PRKAR1A: variants seen among roughly 807,000 people sequenced by gnomAD.
The protein encoded by PRKAR1A is protein kinase cAMP-dependent type I regulatory subunit alpha.
PRKAR1A carries 3 observed loss-of-function variants against 52.0 expected under a neutral mutation model. That is an observed-to-expected ratio of 0.06 (90% CI 0.03 to 0.15). The LOEUF is 0.15. PRKAR1A is among the 10% of genes least tolerant of loss of function. PRKAR1A has a pLI of 1.00. For missense variants in PRKAR1A, 240 were observed against 477.4 expected, an observed-to-expected ratio of 0.50 and a Z score of 4.63; for synonymous variants, 188 against 168.4, an observed-to-expected ratio of 1.12 and a Z score of -0.90.
chr17:68,445,825 C>G, the PRKAR1A span, among the ~76,000 whole-genome samples: 1 of 152,260 alleles, frequency 6.6e-6, no homozygotes, highest in Non-Finnish European at 1.5e-5. Flanking sequence ...ACCACCCCTG[C>G]ACATGCCTGA....
At chr17:68,480,497 G>C in the PRKAR1A span, among the ~76,000 whole-genome samples, 1 of 152,106 alleles carries the variant, frequency 6.6e-6, no homozygotes, top group Non-Finnish European at 1.5e-5. Flanking sequence ...TGCAGGCTAG[G>C]GGGTTTAGTT....
the PRKAR1A span, chr17:68,434,555 C>G: frequency 1.2e-6 from 2 of 1,613,928 alleles, no homozygotes; most frequent in Non-Finnish European, 1.7e-6. Context: ...TGAACACAGA[C>G]CTTTTCATCC....
the PRKAR1A span, among the ~76,000 whole-genome samples, chr17:68,460,536 T>TC: frequency 6.6e-6 from 1 of 152,152 alleles, no homozygotes; most frequent in Non-Finnish European, 1.5e-5. Flanking sequence ...CTGTGAATGG[T>TC]CCCCCTTATA....
chr17:68,495,898 GCCAC>G, the PRKAR1A span, among the ~76,000 whole-genome samples: 7 of 145,878 alleles, frequency 4.8e-5, no homozygotes, highest in Non-Finnish European at 1.0e-4. Context: ...CTAGAGGCAG[GCCAC>G]ATTTCTTGGC....
chr17:68,441,888 C>G, the PRKAR1A span, among the ~76,000 whole-genome samples: 2 of 152,212 alleles, frequency 1.3e-5, no homozygotes, highest in Non-Finnish European at 2.9e-5. Flanking sequence ...TAAAAAGACA[C>G]AGTTTGCTCC....
the PRKAR1A span, among the ~76,000 whole-genome samples, chr17:68,429,362 T>G: frequency 2.0e-5 from 3 of 152,224 alleles, no homozygotes; most frequent in African/African-American, 7.2e-5. Context: ...TAAACTCCTT[T>G]AAACTTCTTA....
the PRKAR1A span, among the ~76,000 whole-genome samples, chr17:68,470,781 A>G: frequency 6.6e-6 from 1 of 152,222 alleles, no homozygotes; most frequent in African/African-American, 2.4e-5. Context: ...CTATTATTAT[A>G]TCAACATTTC....
chr17:68,432,347 A>G, the PRKAR1A span, among the ~76,000 whole-genome samples: 1 of 152,204 alleles, frequency 6.6e-6, no homozygotes, highest in Non-Finnish European at 1.5e-5. Flanking sequence ...GCTTTCTCCA[A>G]CTGGTGGCAG....
intron 11 of PRKAR1A, chr17:68,541,328 C>A: frequency 3.5e-6 from 1 of 285,512 alleles, no homozygotes; most frequent in South Asian, 3.9e-5. Flanking sequence ...CCTCCATGGG[C>A]TGTTCCTGCC....
At chr17:68,415,710 G>C in the PRKAR1A span, among the ~76,000 whole-genome samples, 1 of 152,084 alleles carries the variant, frequency 6.6e-6, no homozygotes, top group African/African-American at 2.4e-5. Flanking sequence ...CCAGTGTTAG[G>C]AGCATATATG....
chr17:68,543,689 A>T lies in PRKAR1A; in HGVS notation c.974-7395A>T, dbSNP rs753208818. On this transcript the variant is annotated intron_variant, in intron 11 of 11. Transcript: ENST00000585981. ...TCTCTGAAAGTCAATGAAGTAGAAG[A>T]AGTCCACTGGTGTCTCCTCATCTCG... The T allele has an allele frequency of 1.5e-5, 25 of 1,614,154 alleles. No homozygotes were observed. Among genetic ancestry groups the T allele is most frequent in the East Asian group, 4.5e-5 (2 of 44,880 alleles).
intron 6 of PRKAR1A, 95 bp downstream of exon 6, chr17:68,525,053 C>T (rs1309991162): frequency 4.0e-6 from 4 of 997,578 alleles, no homozygotes; most frequent in African/African-American, 3.2e-5. Flanking sequence ...AGGGTCATTA[C>T]ATCCCTTGTA....
chr17:68,514,016 G>C (rs2085352207), intron 1 of PRKAR1A, among the ~76,000 whole-genome samples: 1 of 152,186 alleles, frequency 6.6e-6, no homozygotes, highest in Non-Finnish European at 1.5e-5. Context: ...ATGATTGCCT[G>C]ACCTGGAGAA....
At chr17:68,507,462 C>T (rs1251200095), upstream of PRKAR1A, among the ~76,000 whole-genome samples, 8 of 152,124 alleles carry the variant, frequency 5.3e-5, no homozygotes, top group Non-Finnish European at 1.0e-4. Context: ...AACACATGGA[C>T]ACAGGGAGCA....
chr17:68,486,622 C>G, the PRKAR1A span, among the ~76,000 whole-genome samples: 1 of 149,120 alleles, frequency 6.7e-6, no homozygotes, highest in Non-Finnish European at 1.5e-5. Context: ...TCTCCTTCCT[C>G]CTTCTCCTTC....
At chr17:68,489,228 ATGGAAAG>A in the PRKAR1A span, among the ~76,000 whole-genome samples, 237 of 33,918 alleles carry the variant, frequency 7.0e-3, no homozygotes, top group Middle Eastern at 0.015. Context: ...ATATATATAT[ATGGAAAG>A]TATATATATA....
chr17:68,544,230 G>A (rs1463894332), intron 11 of PRKAR1A, among the ~76,000 whole-genome samples: 2 of 141,758 alleles, frequency 1.4e-5, no homozygotes, highest in Non-Finnish European at 3.1e-5. Flanking sequence ...GGATGTGGGG[G>A]AAATACGTGG....
chr17:68,541,074 G>C, intron 11 of PRKAR1A: 1 of 1,483,074 alleles, frequency 6.7e-7, no homozygotes, highest in Non-Finnish European at 9.1e-7. Flanking sequence ...GCCCTGGGCT[G>C]GTGGCAGCTT....
chr17:68,537,605 G>A (rs2086131717), downstream of PRKAR1A: 1 of 1,613,648 alleles, frequency 6.2e-7, no homozygotes, highest in Non-Finnish European at 8.5e-7. This position sits in a 1 kb window ranked among gnomAD's most constrained non-coding sequence, Gnocchi z 4.2. Flanking sequence ...TGGAGCCTTC[G>A]ATCCAGGGCA....
Sources: allele counts gnomAD v4.1 joint callset (sites outside exome capture counted in the v4.1 genomes callset), GRCh38; gene constraint gnomAD v4.1.1; non-coding constraint Gnocchi (gnomAD v3.1); transcripts MANE v1.5; gene names NCBI Gene and HGNC (gene_info 2026-07-23, HGNC 2026-07-21).